Variants in GPAM observed in about 807,000 individuals in gnomAD.
GPAM encodes the protein glycerol-3-phosphate acyltransferase 1, mitochondrial.
In GPAM, 56 loss-of-function variants were observed where a neutral mutation model predicts 105.0. That is an observed-to-expected ratio of 0.53 (90% confidence interval 0.43 to 0.67). The LOEUF (loss-of-function observed/expected upper bound fraction) is 0.67, where lower values mean the gene tolerates loss of function less well. GPAM is among the 30% of genes least tolerant of loss of function. The pLI is 0.00. For synonymous variants in GPAM, 368 were observed against 354.4 expected (o/e 1.04, Z -0.43); for missense variants, 855 against 989.8 (o/e 0.86, Z 1.83).
chr10:112,176,424 C>T (rs1244646465), intron 5 of GPAM, among the ~76,000 whole-genome samples: 1 of 152,144 alleles, frequency 6.6e-6, no homozygotes, highest in Non-Finnish European at 1.5e-5. Flanking sequence ...TTATGTAATA[C>T]TTTGAAAACA....
chr10:112,221,519 T>A, the GPAM span, among the ~76,000 whole-genome samples: 1 of 152,170 alleles, frequency 6.6e-6, no homozygotes, highest in Non-Finnish European at 1.5e-5. Context: ...GCCCAAGTAA[T>A]TATGATGCCC....
Position 112,181,690 on chromosome 10 carries a change from T to G in GPAM, c.95A>C (p.Glu32Ala), listed in dbSNP as rs1435558904. Residue 32 changes from glutamate (E) to alanine (A), a missense_variant, in exon 3 of 22, where the codon GAG (glutamate) becomes GCG (alanine). Glu to Ala is a moderately radical substitution (Grantham distance 107). Coordinates refer to ENST00000348367, the MANE Select transcript of GPAM (RefSeq NM_001244949.2). ...YSVGRCKHTS[E>A]EWGECGFRPT... Reference sequence around the variant, plus strand: ...CTCTTATCCTAAACTTACCCATTCCTCACTTGTGTGCTTACATCGACCAAC... The same window carrying G: ...CTCTTATCCTAAACTTACCCATTCCGCACTTGTGTGCTTACATCGACCAAC... The G allele has an allele frequency of 6.4e-7, 1 of 1,573,500 alleles. No homozygotes were observed. The highest frequency in any genetic ancestry group is 1.3e-5 in the African/African-American group (1 of 74,110).
intron 15 of GPAM, 124 bp downstream of exon 15, chr10:112,161,542 AT>A: frequency 1.3e-6 from 1 of 746,680 alleles, no homozygotes. Flanking sequence ...TCCTCAGCTT[AT>A]TTTACTGTTT....
intron 6 of GPAM, among the ~76,000 whole-genome samples, chr10:112,174,719 G>GC (rs1198410722): frequency 6.6e-6 from 1 of 152,042 alleles, no homozygotes; most frequent in East Asian, 1.9e-4. Flanking sequence ...GGACACTGAT[G>GC]CCCCCCAAGT....
In GPAM at chr10:112,152,134, C is replaced by G; in HGVS notation, c.*1416G>C. On this transcript the variant is annotated 3_prime_UTR_variant, in exon 22 of 22. Transcript: ENST00000348367. The stretch of plus-strand genomic sequence containing the variant: ...CTTATGGAAGTACAAACTTAATTCT[C>G]AGTACTTTTATACTAAATTCAAAGA... The G allele has an allele frequency of 1.0e-6, 1 of 972,642 alleles. No homozygotes were observed. The highest frequency in any genetic ancestry group is 1.2e-6 in the Non-Finnish European group (1 of 818,350). The allele number at this position is 972,642 out of a possible 1,614,324, so 60.3% of individuals were successfully genotyped here.
At chr10:112,160,182 T>A in intron 16 of GPAM, 129 bp from the exon 17 acceptor site, 1 of 1,004,888 alleles carries the variant, frequency 1.0e-6, no homozygotes, top group Non-Finnish European at 1.5e-6. Flanking sequence ...GAAATTTAAG[T>A]AAATCCCATA....
At chr10:112,154,784 G>C (rs1044801512) in intron 20 of GPAM, 97 bp from the exon 21 acceptor site, 2 of 972,368 alleles carry the variant, frequency 2.1e-6, no homozygotes, top group Non-Finnish European at 3.2e-6. Flanking sequence ...GCTAGGAAGA[G>C]AATGAGGGCA....
intron 14 of GPAM, 117 bp downstream of exon 14, chr10:112,163,584 C>T: frequency 1.4e-6 from 1 of 695,978 alleles, no homozygotes; most frequent in Non-Finnish European, 2.6e-6. Flanking sequence ...TACCTATCAC[C>T]ACCTGTGAAT....
intron 17 of GPAM, among the ~76,000 whole-genome samples, chr10:112,158,974 AAC>A (rs754924740): frequency 4.0e-4 from 61 of 152,266 alleles, no homozygotes; most frequent in Admixed American, 2.3e-3. Context: ...CGGTACTCCT[AAC>A]ACATGCACTC....
chr10:112,150,007 T>C lies in GPAM; in HGVS notation c.*3543A>G, dbSNP rs1172909678. The C allele has an allele frequency of 1.0e-6, 1 of 984,402 alleles. No individual in the cohort carries two copies. The highest frequency in any genetic ancestry group is 1.7e-5 in the African/African-American group (1 of 57,250). The allele number at this position is 984,402 out of a possible 1,614,324, so 61.0% of individuals were successfully genotyped here. On this transcript the variant is annotated 3_prime_UTR_variant, in exon 22 of 22. Transcript: ENST00000348367. ...TTATTTCACAGTACCTTATAGTAAT[T>C]CTTTTCACGAGTCTTAACATTTCTT...
the GPAM span, among the ~76,000 whole-genome samples, chr10:112,220,780 TG>T: frequency 2.6e-5 from 4 of 152,216 alleles, no homozygotes; most frequent in South Asian, 4.1e-4. Context: ...GTACCATTGA[TG>T]TGCATGTCAT....
chr10:112,222,298 C>T, the GPAM span, among the ~76,000 whole-genome samples: 2 of 152,138 alleles, frequency 1.3e-5, no homozygotes, highest in Admixed American at 1.3e-4. Context: ...AATGATTTTG[C>T]CCACTGTTTG....
intron 1 of GPAM, among the ~76,000 whole-genome samples, chr10:112,190,362 G>A (rs1847641869): frequency 6.6e-6 from 1 of 151,968 alleles, no homozygotes; most frequent in Non-Finnish European, 1.5e-5. Flanking sequence ...AAAATTAGCT[G>A]GGCTTGGTGG....
chr10:112,220,776 T>C, the GPAM span, among the ~76,000 whole-genome samples: 3 of 152,074 alleles, frequency 2.0e-5, no homozygotes, highest in Non-Finnish European at 1.5e-5. Context: ...ATGTGTACCA[T>C]TGATGTGCAT....
At chr10:112,173,897 T>C (rs1847357784) in intron 6 of GPAM, 52 bp from the exon 7 acceptor site, 2 of 1,417,292 alleles carry the variant, frequency 1.4e-6, no homozygotes, top group Non-Finnish European at 2.0e-6. Context: ...TACTACATTC[T>C]GTATTCAGTA....
At chr10:112,170,490 T>C (rs376708465) in intron 9 of GPAM, among the ~76,000 whole-genome samples, 1 of 152,176 alleles carries the variant, frequency 6.6e-6, no homozygotes, top group East Asian at 1.9e-4. Flanking sequence ...TATTAAGCAG[T>C]TCCAAGAAAT....
Position 112,151,578 on chromosome 10 carries a change from C to T in GPAM, c.*1972G>A. On this transcript the variant is annotated 3_prime_UTR_variant, in exon 22 of 22. Coordinates refer to ENST00000348367, the MANE Select transcript of GPAM (RefSeq NM_001244949.2). ...ACGTACTTCTAGAAAACAAACCAAC[C>T]AAAAGGGAAAATAATGCAAGAGAAG... 1.0e-6 allele frequency: 1 copy of T among 985,614 alleles called. No homozygotes were observed. The highest frequency in any genetic ancestry group is 1.2e-6 in the Non-Finnish European group (1 of 829,890). The allele number at this position is 985,614 out of a possible 1,614,324, so 61.1% of individuals were successfully genotyped here. A position where few individuals can be genotyped will look rare whatever the true frequency, so the allele number is the denominator to read the frequency against.
At chr10:112,169,022 T>C (rs1000748343) in intron 9 of GPAM, 70 bp from the exon 10 acceptor site, 11 of 1,017,560 alleles carry the variant, frequency 1.1e-5, no homozygotes, top group African/African-American at 3.1e-5. Flanking sequence ...TCCAAGTTAA[T>C]TGAAAACATT....
chr10:112,185,927 A>C (rs1367544377), upstream of GPAM, among the ~76,000 whole-genome samples: 5 of 152,184 alleles, frequency 3.3e-5, no homozygotes, highest in African/African-American at 1.2e-4. Flanking sequence ...AAAATGAGAA[A>C]TATGAGGTGA....
Sources: gnomAD v4.1 joint callset for allele counts (sites outside exome capture counted in the v4.1 genomes callset) on GRCh38, gnomAD v4.1.1 for gene constraint, MANE v1.5 for transcripts, NCBI Gene and HGNC (gene_info 2026-07-23, HGNC 2026-07-21) for gene names.